Variants in GNB4 observed in about 807,000 individuals in gnomAD.
GNB4 encodes the protein guanine nucleotide-binding protein subunit beta-4.
Under a neutral mutation model 45.2 loss-of-function variants are expected in GNB4, and 28 were observed. The observed-to-expected ratio is 0.62, with a 90% CI of 0.46 to 0.85. GNB4 has a LOEUF of 0.85. GNB4 is among the 40% of genes least tolerant of loss of function. The pLI, the probability that GNB4 is intolerant of heterozygous loss-of-function variation, is 0.00. For missense variants in GNB4, 321 were observed against 425.4 expected (o/e 0.75, Z 2.16); for synonymous variants, 132 against 143.7 (o/e 0.92, Z 0.58).
chr3:179,465,995 CATCCTCTAGTCGTTT>C, the GNB4 span, among the ~76,000 whole-genome samples: 2 of 145,304 alleles, frequency 1.4e-5, no homozygotes, highest in Non-Finnish European at 3.0e-5. Flanking sequence ...AAACCAGCCT[CATCCTCTAGTCGTTT>C]TTTTTTTTTT....
intron 1 of GNB4, among the ~76,000 whole-genome samples, chr3:179,428,406 G>A (rs1311031777): frequency 6.6e-6 from 1 of 152,184 alleles, no homozygotes; most frequent in Non-Finnish European, 1.5e-5. Flanking sequence ...CAGCCGGTCT[G>A]GAATCCCATT....
upstream of GNB4, among the ~76,000 whole-genome samples, chr3:179,453,280 C>T (rs932438297): frequency 6.6e-6 from 1 of 152,164 alleles, no homozygotes; most frequent in Non-Finnish European, 1.5e-5. Context: ...GCCACCACGC[C>T]CGGCTGATTT....
chr3:179,504,638 C>T, the GNB4 span, among the ~76,000 whole-genome samples: 1 of 152,182 alleles, frequency 6.6e-6, no homozygotes. Context: ...GACTAACTTG[C>T]TCCCAGATAA....
chr3:179,506,522 A>C, the GNB4 span, among the ~76,000 whole-genome samples: 1 of 152,180 alleles, frequency 6.6e-6, no homozygotes, highest in Non-Finnish European at 1.5e-5. Context: ...CATAAATTAA[A>C]GGAACAGGAA....
In GNB4 at chr3:179,397,293, T is replaced by C. The variant is rs969174580; in HGVS notation, c.*3920A>G. The C allele has an allele frequency of 6.6e-6, 1 of 152,232 alleles. No homozygotes were observed. The highest frequency in any genetic ancestry group is 1.9e-4 in the East Asian group (1 of 5,198). 9.4% of individuals were successfully genotyped at this position (152,232 alleles called of 1,614,324 possible). On this transcript the variant is annotated 3_prime_UTR_variant, in exon 10 of 10. Coordinates refer to ENST00000232564, the MANE Select transcript of GNB4 (RefSeq NM_021629.4). The stretch of plus-strand genomic sequence containing the variant: ...CACATTTAAAATGCTTAAGGTCTTA[T>C]TATTAAATCCAAAATACCAAAAGTA...
chr3:179,464,573 C>G, the GNB4 span: 1 of 1,514,796 alleles, frequency 6.6e-7, no homozygotes, highest in African/African-American at 1.4e-5. Context: ...TCCTGGTTGG[C>G]GAGAGTTCTG....
chr3:179,493,449 A>G, the GNB4 span, among the ~76,000 whole-genome samples: 1 of 152,040 alleles, frequency 6.6e-6, no homozygotes, highest in Non-Finnish European at 1.5e-5. Flanking sequence ...AATGCAATAA[A>G]GAGCTTCAAC....
the GNB4 span, among the ~76,000 whole-genome samples, chr3:179,489,005 AAAAAAAAAAAAAAAATATATAT>A: frequency 7.8e-5 from 3 of 38,248 alleles, no homozygotes; most frequent in Admixed American, 4.3e-4. Context: ...AAAAAAAAAA[AAAAAAAAAAAAAAAATATATAT>A]ATATATATAT....
the GNB4 span, among the ~76,000 whole-genome samples, chr3:179,521,095 A>T: frequency 6.6e-6 from 1 of 152,118 alleles, no homozygotes; most frequent in Non-Finnish European, 1.5e-5. Context: ...TATTACTCAC[A>T]TGCCCCAAGT....
At chr3:179,420,305 T>G (rs1206821149) in intron 3 of GNB4, among the ~76,000 whole-genome samples, 8 of 141,828 alleles carry the variant, frequency 5.6e-5, no homozygotes, top group Admixed American at 2.1e-4. Context: ...ACTTTCATGT[T>G]TTTTTTTTTT....
At chr3:179,457,456 G>A in the GNB4 span, among the ~76,000 whole-genome samples, 3 of 151,878 alleles carry the variant, frequency 2.0e-5, no homozygotes, top group Admixed American at 2.0e-4. Flanking sequence ...GTTTATAATT[G>A]GATGACTATT....
Position 179,414,876 on chromosome 3 carries a change from G to A in GNB4, c.430+9C>T, listed in dbSNP as rs749922064. ...CGTGTGGTGGGAAAGAATATTTAGG[G>A]AAGCTCACCTGTGTGACCTGGCAAC... On this transcript the variant is annotated intron_variant, in intron 6 of 9. Transcript: ENST00000232564. 6.4e-7 allele frequency: 1 copy of A among 1,561,924 alleles called. No homozygotes were observed. Among genetic ancestry groups the A allele is most frequent in the East Asian group, 2.3e-5 (1 of 44,048 alleles).
At chr3:179,433,968 A>G (rs2108611233) in intron 1 of GNB4, among the ~76,000 whole-genome samples, 1 of 152,164 alleles carries the variant, frequency 6.6e-6, no homozygotes, top group Middle Eastern at 3.4e-3. Flanking sequence ...TGCCTATTAG[A>G]TTAATAACAT....
chr3:179,408,634 TACAA>T (rs1327885360), intron 8 of GNB4, among the ~76,000 whole-genome samples: 2 of 151,644 alleles, frequency 1.3e-5, no homozygotes, highest in Non-Finnish European at 2.9e-5. Context: ...CTACTAAAAA[TACAA>T]ACAATTAGCC....
At chr3:179,447,497 C>T (rs1715765323) in intron 1 of GNB4, among the ~76,000 whole-genome samples, 1 of 152,034 alleles carries the variant, frequency 6.6e-6, no homozygotes, top group East Asian at 1.9e-4. Context: ...CACAGATATG[C>T]ACCACCACGC....
the GNB4 span, among the ~76,000 whole-genome samples, chr3:179,484,836 A>ATGTGTGTGTGTGTGTGTGTGTG: frequency 6.8e-6 from 1 of 146,996 alleles, no homozygotes; most frequent in East Asian, 2.0e-4. Context: ...AGCTATATAT[A>ATGTGTGTGTGTGTGTGTGTGTG]TGTGTGTGTG....
At chr3:179,502,115 A>C in the GNB4 span, among the ~76,000 whole-genome samples, 1 of 152,072 alleles carries the variant, frequency 6.6e-6, no homozygotes, top group Non-Finnish European at 1.5e-5. Flanking sequence ...CTACTGAGGA[A>C]TATGGTATTG....
At chr3:179,519,479 G>C in the GNB4 span, among the ~76,000 whole-genome samples, 3 of 152,132 alleles carry the variant, frequency 2.0e-5, no homozygotes, top group Non-Finnish European at 2.9e-5. Context: ...TCAAGGGCCT[G>C]TTTCCCTTGC....
intron 9 of GNB4, among the ~76,000 whole-genome samples, chr3:179,402,799 G>A (rs986831263): frequency 6.6e-6 from 1 of 152,150 alleles, no homozygotes; most frequent in Non-Finnish European, 1.5e-5. Flanking sequence ...AGTAAAATAA[G>A]ATTGTGCTGG....
Sources: gnomAD v4.1 joint callset for allele counts (sites outside exome capture counted in the v4.1 genomes callset) on GRCh38, gnomAD v4.1.1 for gene constraint, MANE v1.5 for transcripts, NCBI Gene and HGNC (gene_info 2026-07-23, HGNC 2026-07-21) for gene names.